MASP1: variants seen among roughly 807,000 people sequenced by gnomAD.
MASP1 encodes the protein mannan-binding lectin serine protease 1.
Under a neutral mutation model 77.1 loss-of-function variants are expected in MASP1, and 59 were observed. The ratio of observed to expected loss-of-function variants is 0.77; its 90% confidence interval spans 0.62 to 0.95. The LOEUF is 0.95. Ranked by LOEUF, MASP1 falls within the 40% of genes least tolerant of loss-of-function variation. The pLI, the probability that MASP1 is intolerant of heterozygous loss-of-function variation, is 0.00. For missense variants in MASP1, 885 were observed against 912.9 expected, an observed-to-expected ratio of 0.97 and a Z score of 0.39; for synonymous variants, 362 against 354.5, an observed-to-expected ratio of 1.02 and a Z score of -0.24.
At chr3:187,231,269 C>G (rs1406444063), downstream of MASP1, among the ~76,000 whole-genome samples, 1 of 152,224 alleles carries the variant, frequency 6.6e-6, no homozygotes, top group African/African-American at 2.4e-5. Context: ...TCACCCCTCT[C>G]TTGTATTTTT....
intron 13 of MASP1, among the ~76,000 whole-genome samples, chr3:187,224,340 ATT>A (rs1181826969): frequency 3.2e-4 from 33 of 102,048 alleles, no homozygotes; most frequent in South Asian, 6.6e-4. Flanking sequence ...TGTGCTGAGT[ATT>A]TTTTTTTTTT....
rs1227524098 is a variant in MASP1, at chr3:187,253,208, C to T, written c.852G>A (p.Ser284=). The T allele has an allele frequency of 1.1e-5, 17 of 1,614,022 alleles. No individual in the cohort carries two copies. Among genetic ancestry groups the T allele is most frequent in the African/African-American group, 5.3e-5 (4 of 74,900 alleles). The change falls in exon 6 of 11, where the codon TCG becomes TCA. Residue 284 remains serine (S), a synonymous_variant. Coordinates refer to ENST00000296280, the MANE Select transcript of MASP1 (RefSeq NM_139125.4). The part of the protein sequence containing the change: ...SVLILFHSDN[S]GENRGWRLSY... ...AGAGCCTCCAGCCCCGGTTCTCTCCCGAGTTGTCACTATGGAACAGGATCA... is the reference window on the plus strand; with the variant it reads ...AGAGCCTCCAGCCCCGGTTCTCTCCTGAGTTGTCACTATGGAACAGGATCA...
intron 1 of MASP1, among the ~76,000 whole-genome samples, chr3:187,288,201 A>G (rs1265584708): frequency 6.6e-6 from 1 of 152,242 alleles, no homozygotes; most frequent in African/African-American, 2.4e-5. Context: ...GCCAATGTCA[A>G]TATTTTCTTA....
Position 187,262,035 on chromosome 3 carries a change from G to A in MASP1, c.415+508C>T, listed in dbSNP as rs563860975. ...TAGAAGAGGCAAGAACTAATCTACA[G>A]CAGAAAAAAAATCAAAACAGTTGTT... On this transcript the variant is annotated intron_variant, in intron 3 of 10. Transcript: ENST00000296280. Among the ~76,000 whole-genome samples, 540 of 152,224 alleles carry A rather than the reference G, an allele frequency of 3.5e-3. 2 individuals carry two copies. Among genetic ancestry groups the A allele is most frequent in the Non-Finnish European group, 6.3e-3 (427 of 68,000 alleles).
chr3:187,226,946 C>T (rs776929001), intron 11 of MASP1, among the ~76,000 whole-genome samples: 77 of 152,136 alleles, frequency 5.1e-4, no homozygotes, highest in African/African-American at 9.4e-4. Context: ...ACTCTTAGGC[C>T]GGCCCCACCT....
chr3:187,260,077 C>CA (rs1253354377), intron 4 of MASP1, among the ~76,000 whole-genome samples: 9 of 152,166 alleles, frequency 5.9e-5, no homozygotes, highest in Admixed American at 2.0e-4. Flanking sequence ...GTAATGGAAA[C>CA]ATTAATGTTA....
downstream of MASP1, among the ~76,000 whole-genome samples, chr3:187,232,052 T>C (rs1712797145): frequency 6.6e-6 from 1 of 152,152 alleles, no homozygotes; most frequent in Non-Finnish European, 1.5e-5. Flanking sequence ...GCCTCCTGCC[T>C]GCATACCCCT....
intron 2 of MASP1, among the ~76,000 whole-genome samples, chr3:187,270,869 A>G: frequency 6.6e-6 from 1 of 152,360 alleles, no homozygotes. Flanking sequence ...ACCTTCAGAC[A>G]TGCCTCTGAA....
downstream of MASP1, chr3:187,229,819 G>A (rs1027694374): frequency 6.2e-7 from 1 of 1,614,142 alleles, no homozygotes; most frequent in Non-Finnish European, 8.5e-7. Flanking sequence ...GGCAATCCAG[G>A]GAGTGGTGCC....
Position 187,235,289 on chromosome 3 carries a change from G to C in MASP1, c.*395C>G. The C allele has an allele frequency of 1.5e-6, 2 of 1,316,068 alleles. No homozygotes were observed. Among genetic ancestry groups the C allele is most frequent in the Non-Finnish European group, 2.0e-6 (2 of 1,008,524 alleles). The allele number at this position is 1,316,068 out of a possible 1,614,324, so 81.5% of individuals were successfully genotyped here. ...GTTAGAAACCATTTTCTAATAGTCA[G>C]GTCCAAGCTCAGTTATACCAACAGT... On this transcript the variant is annotated 3_prime_UTR_variant, in exon 11 of 11. Coordinates refer to ENST00000296280, the MANE Select transcript of MASP1 (RefSeq NM_139125.4).
intron 6 of MASP1, 26 bp downstream of exon 6, chr3:187,253,142 G>A (rs778550847): frequency 6.2e-7 from 1 of 1,612,900 alleles, no homozygotes; most frequent in African/African-American, 1.3e-5. Flanking sequence ...CAGCAGCTCG[G>A]TGTGACCTGG....
At chr3:187,286,108 C>T (rs1717838935) in intron 1 of MASP1, 52 bp from the exon 2 acceptor site, 3 of 1,391,228 alleles carry the variant, frequency 2.2e-6, no homozygotes, top group Admixed American at 3.4e-5. Context: ...AGGCCCCTGC[C>T]ATTCATCTCA....
intron 10 of MASP1, among the ~76,000 whole-genome samples, chr3:187,240,550 A>G (rs1270356971): frequency 6.6e-6 from 1 of 152,200 alleles, no homozygotes; most frequent in Non-Finnish European, 1.5e-5. Flanking sequence ...GTTTAACCGT[A>G]GAGTGTGCAT....
exon 16 of MASP1, chr3:187,219,764 G>A: frequency 2.3e-6 from 1 of 427,232 alleles, no homozygotes; most frequent in Non-Finnish European, 4.4e-6. Flanking sequence ...CTTTTACGAG[G>A]TAGGTAAGGT....
rs758331251 is a variant in MASP1, at chr3:187,253,346, A to G, written c.745-31T>C. The G allele has an allele frequency of 3.7e-6, 6 of 1,613,304 alleles. No homozygotes were observed. In the South Asian group the frequency reaches 5.5e-5, roughly 15 times the overall value. On this transcript the variant is annotated intron_variant, in intron 5 of 10. Coordinates refer to ENST00000296280, the MANE Select transcript of MASP1 (RefSeq NM_139125.4). ...AAATATGAGAGAGAGAGAGAGAAAT[A>G]GAGTGTTCCATCTGAGCAGCCAAAA...
intron 14 of MASP1, chr3:187,223,047 C>T: frequency 7.6e-7 from 1 of 1,313,374 alleles, no homozygotes; most frequent in Non-Finnish European, 1.1e-6. Flanking sequence ...CCTCAAAATC[C>T]CTAAGGGAAC....
intron 2 of MASP1, among the ~76,000 whole-genome samples, chr3:187,282,157 A>G (rs1254856213): frequency 1.3e-5 from 2 of 152,180 alleles, no homozygotes; most frequent in Non-Finnish European, 2.9e-5. Flanking sequence ...CTTCAGCTAG[A>G]GCAGCTCACT....
intron 15 of MASP1, among the ~76,000 whole-genome samples, chr3:187,220,757 CA>C (rs1286722031): frequency 6.6e-6 from 1 of 152,212 alleles, no homozygotes; most frequent in African/African-American, 2.4e-5. Context: ...CTCGGCCTCC[CA>C]AAGTGCTGGG....
At position 187,236,008 on chromosome 3, in the gene MASP1, C is replaced by G. The variant is rs1713136249; in HGVS notation, c.1863G>C (p.Lys621Asn). The change falls in exon 11 of 11, where the codon AAG becomes AAC. Residue 621 changes from lysine (K) to asparagine (N), a missense_variant. Coordinates refer to ENST00000296280, the MANE Select transcript of MASP1 (RefSeq NM_139125.4). ...RTLSDVLQYV[K>N]LPVVPHAECK... ...ACTCAGCGTGAGGCACCACGGGTAA[C>G]TTGACATACTGCAGGACATCTGACA... The G allele has an allele frequency of 6.2e-7, 1 of 1,614,230 alleles. No individual in the cohort carries two copies. The highest frequency in any genetic ancestry group is 1.3e-5 in the African/African-American group (1 of 75,066).
Sources: gnomAD v4.1 joint callset for allele counts (sites outside exome capture counted in the v4.1 genomes callset) on GRCh38, gnomAD v4.1.1 for gene constraint, MANE v1.5 for transcripts, NCBI Gene and HGNC (gene_info 2026-07-23, HGNC 2026-07-21) for gene names.